The following PCCB variants were observed in gnomAD, a reference collection of about 807,000 sequenced individuals.
PCCB encodes the protein propionyl-CoA carboxylase beta chain, mitochondrial.
A neutral mutation model predicts 60.7 loss-of-function variants in PCCB; 43 were observed. The observed-to-expected ratio is 0.71, with a 90% CI of 0.55 to 0.91. The LOEUF is 0.91. Ranked by LOEUF, PCCB falls within the 40% of genes least tolerant of loss-of-function variation. PCCB has a pLI of 0.00. For missense variants in PCCB, 766 were observed against 702.8 expected (o/e 1.09, Z -1.02); for synonymous variants, 276 against 255.9 (o/e 1.08, Z -0.75).
At chr3:136,259,352 C>G (rs1177180392) in intron 3 of PCCB, 8 of 388,088 alleles carry the variant, frequency 2.1e-5, no homozygotes, top group Admixed American at 1.3e-4. Context: ...GTAATCCCAG[C>G]TACTCGGGAG....
intron 6 of PCCB, among the ~76,000 whole-genome samples, chr3:136,293,485 C>T (rs1933793398): frequency 6.6e-6 from 1 of 152,186 alleles, no homozygotes; most frequent in Non-Finnish European, 1.5e-5. Flanking sequence ...CCACCTGTTA[C>T]TGTGTTCTAC....
chr3:136,289,798 T>TTTTTTTTTA (rs71157371), intron 6 of PCCB, among the ~76,000 whole-genome samples: 1 of 151,752 alleles, frequency 6.6e-6, no homozygotes, highest in Non-Finnish European at 1.5e-5. Context: ...ACTTTTTTTT[T>TTTTTTTTTA]ACCTTCTTCA....
At chr3:136,311,427 C>T (rs1934662255) in intron 9 of PCCB, among the ~76,000 whole-genome samples, 1 of 152,114 alleles carries the variant, frequency 6.6e-6, no homozygotes, top group African/African-American at 2.4e-5. Context: ...TCACAACTCA[C>T]TGCAGCTTCA....
rs762758029 is a variant in PCCB at position 136,301,095 on chromosome 3, T to A, written c.950T>A (p.Val317Glu). 45 of 1,613,394 alleles carry A rather than the reference T, an allele frequency of 2.8e-5. No homozygotes were observed. The highest frequency in any genetic ancestry group is 3.6e-5 in the Non-Finnish European group (43 of 1,179,390). The change falls in exon 9 of 15, where the codon GTG (valine) becomes GAG (glutamate). Residue 317 changes from valine (V) to glutamate (E), a missense_variant. Physicochemically the swap from Val to Glu is moderately radical, Grantham distance 121. Transcript: ENST00000251654. ...GAATCAACCAAAGCCTACAACATGG[T>A]GGACATCATACACTCTGTAAGTGCC... ...PLESTKAYNM[V>E]DIIHSVVDER...
At chr3:136,269,691 C>T (rs1436640728) in intron 5 of PCCB, among the ~76,000 whole-genome samples, 1 of 152,026 alleles carries the variant, frequency 6.6e-6, no homozygotes, top group Non-Finnish European at 1.5e-5. Context: ...AGAGACCATC[C>T]TGGCTAACAC....
At position 136,250,509 on chromosome 3, in the gene PCCB, C is replaced by T. The variant is rs1294710898; in HGVS notation, c.134C>T (p.Thr45Ile). 1 of 1,613,064 alleles carries T rather than the reference C, an allele frequency of 6.2e-7. No individual in the cohort carries two copies. Among genetic ancestry groups the T allele is most frequent in the South Asian group, 1.1e-5 (1 of 91,020 alleles). The change falls in exon 1 of 15, where the codon ACC (threonine) becomes ATC (isoleucine). Residue 45 changes from threonine (T) to isoleucine (I), a missense_variant. Physicochemically the swap from Thr to Ile is moderately conservative, Grantham distance 89. Transcript: ENST00000251654. ...GAACGCATCGAAAACAAGCGCCGGA[C>T]CGCGCTGCTGGGAGGGGGCCAACGC... ...VNERIENKRRTALLGGGQRRI... is the reference protein window; with the variant it reads ...VNERIENKRRIALLGGGQRRI...
chr3:136,263,601 T>C (rs539008424), intron 5 of PCCB, among the ~76,000 whole-genome samples: 9 of 152,296 alleles, frequency 5.9e-5, no homozygotes, highest in Admixed American at 2.0e-4. Flanking sequence ...GGCTAGTCTT[T>C]ACTTTCAGAT....
chr3:136,328,740 G>A lies in PCCB; in HGVS notation c.1399-18G>A. On this transcript the variant is annotated intron_variant, in intron 13 of 14. Coordinates refer to ENST00000251654, the MANE Select transcript of PCCB (RefSeq NM_000532.5). ...GGTTGGGACGACCAAAGATGTTCATGAACTCCTCTAATCACAGGGCGCTGT... is the reference window on the plus strand; with the variant it reads ...GGTTGGGACGACCAAAGATGTTCATAAACTCCTCTAATCACAGGGCGCTGT... The A allele has an allele frequency of 6.2e-7, 1 of 1,601,818 alleles. No homozygotes were observed. Among genetic ancestry groups the A allele is most frequent in the Non-Finnish European group, 8.6e-7 (1 of 1,168,896 alleles).
chr3:136,316,618 A>G (rs1210958243), intron 9 of PCCB, among the ~76,000 whole-genome samples: 1 of 152,158 alleles, frequency 6.6e-6, no homozygotes, highest in Non-Finnish European at 1.5e-5. Flanking sequence ...GCCCGGCCTG[A>G]CATTTTTATT....
At chr3:136,263,924 A>G (rs1402829774) in intron 5 of PCCB, among the ~76,000 whole-genome samples, 3 of 151,950 alleles carry the variant, frequency 2.0e-5, no homozygotes, top group Non-Finnish European at 2.9e-5. Flanking sequence ...AGGTGGGACA[A>G]CTGCTTGAAC....
In PCCB at chr3:136,260,591, A is replaced by T. The variant is rs190588750; in HGVS notation, c.429+56A>T. On this transcript the variant is annotated intron_variant, in intron 4 of 14. Coordinates refer to ENST00000251654, the MANE Select transcript of PCCB (RefSeq NM_000532.5). ...TGCTTTCCTCAGTTACATAGTGCTT[A>T]TTGAGTATCTTTGGGGTACAAGACA... 5.1e-3 allele frequency: 7,124 copies of T among 1,396,918 alleles called. 23 individuals carry two copies. Among genetic ancestry groups the T allele is most frequent in the Non-Finnish European group, 6.6e-3 (6,501 of 988,052 alleles). The allele number at this position is 1,396,918 out of a possible 1,614,324, so 86.5% of individuals were successfully genotyped here. A position where few individuals can be genotyped will look rare whatever the true frequency, so the allele number is the denominator to read the frequency against.
intron 6 of PCCB, among the ~76,000 whole-genome samples, chr3:136,286,923 C>T (rs578005238): frequency 1.1e-4 from 17 of 151,646 alleles, no homozygotes; most frequent in Admixed American, 7.9e-4. Context: ...ACCAGCTACT[C>T]GGGAGGCTGA....
intron 8 of PCCB, among the ~76,000 whole-genome samples, chr3:136,299,420 G>A (rs891553894): frequency 6.6e-6 from 1 of 151,870 alleles, no homozygotes; most frequent in African/African-American, 2.4e-5. Context: ...GCATATGTAT[G>A]TATATGTATG....
intron 6 of PCCB, among the ~76,000 whole-genome samples, chr3:136,290,034 G>A (rs1933602036): frequency 6.6e-6 from 1 of 152,036 alleles, no homozygotes; most frequent in Non-Finnish European, 1.5e-5. Flanking sequence ...GTACATAATT[G>A]AATGTGTACA....
rs1933968349 is a variant in PCCB at position 136,296,966 on chromosome 3, T to C, written c.764-986T>C. On this transcript the variant is annotated intron_variant, in intron 7 of 14. Coordinates refer to ENST00000251654, the MANE Select transcript of PCCB (RefSeq NM_000532.5). ...GGGGCTTATATTCTAGTAGAGGAGA[T>C]AGACAATAAACATTGTAAATAAGTA... Among the ~76,000 whole-genome samples, 5 of 152,300 alleles carry C rather than the reference T, an allele frequency of 3.3e-5. No individual in the cohort carries two copies. The South Asian group carries it at 1.0e-3, about 32-fold the overall frequency.
chr3:136,256,160 C>G, intron 2 of PCCB, 185 bp downstream of exon 2: 2 of 824,712 alleles, frequency 2.4e-6, no homozygotes, highest in South Asian at 3.5e-5. Context: ...TCAGGCTGGC[C>G]TTGAACTCCT....
chr3:136,251,189 T>G (rs1304662005), intron 1 of PCCB: 1 of 456,336 alleles, frequency 2.2e-6, no homozygotes, highest in Admixed American at 2.3e-5. Context: ...ACTCTCGATG[T>G]TTGGCTGGAC....
intron 9 of PCCB, among the ~76,000 whole-genome samples, chr3:136,312,126 A>G (rs1934690514): frequency 6.6e-6 from 1 of 152,274 alleles, no homozygotes; most frequent in Non-Finnish European, 1.5e-5. Flanking sequence ...AATAGACTCA[A>G]GTACATACAG....
chr3:136,321,344 G>T (rs1476065097), intron 10 of PCCB, among the ~76,000 whole-genome samples: 1 of 152,134 alleles, frequency 6.6e-6, no homozygotes, highest in Non-Finnish European at 1.5e-5. Context: ...TGAGGTTAAT[G>T]GTTGTATTAA....
Sources: gnomAD v4.1 joint callset for allele counts (sites outside exome capture counted in the v4.1 genomes callset) on GRCh38, gnomAD v4.1.1 for gene constraint, MANE v1.5 for transcripts, NCBI Gene and HGNC (gene_info 2026-07-23, HGNC 2026-07-21) for gene names.